The following PSG2 variants were observed in gnomAD, a reference collection of about 807,000 sequenced individuals.
PSG2 encodes the protein pregnancy specific beta-1-glycoprotein 2.
In PSG2, 49 loss-of-function variants were observed where a neutral mutation model predicts 36.2. The observed-to-expected ratio is 1.35, with a 90% confidence interval of 1.08 to 1.72. The LOEUF (loss-of-function observed/expected upper bound fraction) is 1.72. PSG2 is among the 40% of genes most tolerant of loss of function. The pLI is 0.00. For synonymous variants in PSG2, 261 were observed against 155.6 expected (o/e 1.68, Z -5.04); for missense variants, 605 against 407.2 (o/e 1.49, Z -4.18).
At chr19:43,068,969 A>C (rs1211262138) in intron 4 of PSG2, among the ~76,000 whole-genome samples, 1 of 151,744 alleles carries the variant, frequency 6.6e-6, no homozygotes, top group Non-Finnish European at 1.5e-5. Flanking sequence ...GAAAATCCTA[A>C]AGGTGGAACA....
Position 43,075,015 on chromosome 19 carries a change from G to A in PSG2, c.709+339C>T, listed in dbSNP as rs966489558. 5.9e-5 allele frequency among the ~76,000 whole-genome samples: 9 copies of A among 151,822 alleles called. 2 individuals are homozygous for A. Among genetic ancestry groups the A allele is most frequent in the Non-Finnish European group, 5.9e-5 (4 of 67,952 alleles). ...CAGAGGGAAGGGAAAATCCTGGTCT[G>A]TGGAAGGGCCACAGTGACCCTGTGA... On this transcript the variant is annotated intron_variant, in intron 3 of 5. Coordinates refer to ENST00000406487, the MANE Select transcript of PSG2 (RefSeq NM_031246.4).
At chr19:43,078,743 G>A (rs1240955741) in intron 2 of PSG2, among the ~76,000 whole-genome samples, 2 of 151,614 alleles carry the variant, frequency 1.3e-5, no homozygotes, top group Non-Finnish European at 2.9e-5. Context: ...GGCAGACTTG[G>A]AGTCATTAAA....
At chr19:43,072,255 G>T in intron 3 of PSG2, 3 of 1,548,968 alleles carry the variant, frequency 1.9e-6, no homozygotes, top group East Asian at 2.2e-5. Flanking sequence ...CAGAAGTAAA[G>T]TTGTCTATAC....
chr19:43,080,105 C>T (rs1168808328), intron 2 of PSG2, among the ~76,000 whole-genome samples: 6 of 151,768 alleles, frequency 4.0e-5, no homozygotes, highest in Non-Finnish European at 8.8e-5. Context: ...TATTAATTTG[C>T]TTCCATGAGA....
chr19:43,069,888 A>T lies in PSG2; in HGVS notation c.964+1812T>A, dbSNP rs140521018. ...TACATATCGAAGAACATTATCAAGA[A>T]AGTAAAAAGGCAACCCATGAAATGA... is the stretch of plus-strand genomic sequence containing the variant. On this transcript the variant is annotated intron_variant, in intron 4 of 5. Coordinates refer to ENST00000406487, the MANE Select transcript of PSG2 (RefSeq NM_031246.4). Among the ~76,000 whole-genome samples, 275 of 151,908 alleles carry T rather than the reference A, an allele frequency of 1.8e-3. 4 individuals are homozygous for T. Among genetic ancestry groups the T allele is most frequent in the African/African-American group, 6.3e-3 (259 of 41,258 alleles).
At chr19:43,074,292 G>A (rs1967860884) in intron 3 of PSG2, among the ~76,000 whole-genome samples, 1 of 151,556 alleles carries the variant, frequency 6.6e-6, no homozygotes, top group Non-Finnish European at 1.5e-5. Context: ...GGGTAGTATT[G>A]TCTTTCTAAC....
intron 4 of PSG2, among the ~76,000 whole-genome samples, chr19:43,068,554 G>A (rs962211810): frequency 6.6e-6 from 1 of 150,982 alleles, no homozygotes; most frequent in Non-Finnish European, 1.5e-5. Flanking sequence ...ATAAATAATT[G>A]TATGCCAATA....
intron 4 of PSG2, among the ~76,000 whole-genome samples, chr19:43,071,379 G>A (rs1967813716): frequency 1.3e-5 from 2 of 151,644 alleles, no homozygotes; most frequent in African/African-American, 2.4e-5. Flanking sequence ...GGATGTGTTA[G>A]TGACATCCAG....
At chr19:43,070,690 C>G (rs568770265) in intron 4 of PSG2, among the ~76,000 whole-genome samples, 1 of 151,276 alleles carries the variant, frequency 6.6e-6, no homozygotes, top group Non-Finnish European at 1.5e-5. Flanking sequence ...GCTAAGGGTT[C>G]GAGGGAGAAG....
intron 5 of PSG2, 111 bp downstream of exon 5, chr19:43,066,406 G>A: frequency 1.2e-6 from 1 of 806,582 alleles, no homozygotes; most frequent in Admixed American, 1.8e-5. Context: ...CAGGAGTTTA[G>A]TGGAGGAAGG....
chr19:43,071,468 T>A lies in PSG2; in HGVS notation c.964+232A>T, dbSNP rs575737157. On this transcript the variant is annotated intron_variant, in intron 4 of 5. Transcript: ENST00000406487. ...ACCACATAGGGCTCAGGGCTGATAA[T>A]GACCCCTCCCTACCTTTCTCAGGCG... 4.6e-5 allele frequency among the ~76,000 whole-genome samples: 7 copies of A among 151,742 alleles called. No individual in the cohort carries two copies. In the East Asian group the frequency reaches 5.8e-4, roughly 13 times the overall value.
At chr19:43,078,201 A>G (rs1348199455) in intron 2 of PSG2, among the ~76,000 whole-genome samples, 2 of 151,848 alleles carry the variant, frequency 1.3e-5, no homozygotes. Context: ...GGAGGAATTT[A>G]GTTTATGGTT....
At chr19:43,070,553 A>G (rs2122899253) in intron 4 of PSG2, among the ~76,000 whole-genome samples, 1 of 151,854 alleles carries the variant, frequency 6.6e-6, no homozygotes, top group Admixed American at 6.6e-5. Context: ...TGCAAAATGG[A>G]TGAACCTTGA....
chr19:43,065,124 C>T (rs965398406), intron 5 of PSG2, among the ~76,000 whole-genome samples: 3 of 151,772 alleles, frequency 2.0e-5, no homozygotes, highest in African/African-American at 4.9e-5. Context: ...CGTGAGCCAT[C>T]GCGCTCAGCC....
In PSG2 at chr19:43,071,987, C is replaced by T. The variant is rs200104548; in HGVS notation, c.710-33G>A. On this transcript the variant is annotated intron_variant, in intron 3 of 5. Coordinates refer to ENST00000406487, the MANE Select transcript of PSG2 (RefSeq NM_031246.4). ...AAAGAGAATAAAGCCACAGGTGATG[C>T]CATCTGAGGGAAGGGGATGCTCCTG... The T allele has an allele frequency of 2.5e-4, 398 of 1,604,564 alleles. 7 individuals carry two copies. Among genetic ancestry groups the T allele is most frequent in the Admixed American group, 2.7e-4 (16 of 59,548 alleles).
At position 43,072,323 on chromosome 19, in the gene PSG2, G is replaced by T. The variant is rs149514214; in HGVS notation, c.710-369C>A. The T allele has an allele frequency of 1.3e-3, 2,113 of 1,610,380 alleles. 75 individuals carry two copies. The African/African-American group carries it at 0.023, about 17-fold the overall frequency. On this transcript the variant is annotated intron_variant, in intron 3 of 5. Transcript: ENST00000406487. ...CTGGTCATTTGGATTTAAGCTGGTG[G>T]CCTGGCCCACAGAGGAACAAAAGAT...
At chr19:43,070,765 T>C (rs963702424) in intron 4 of PSG2, among the ~76,000 whole-genome samples, 5 of 151,578 alleles carry the variant, frequency 3.3e-5, no homozygotes, top group African/African-American at 1.2e-4. Flanking sequence ...GTTCTGGAAA[T>C]GGATAGTGTG....
chr19:43,081,088 G>A lies in PSG2; in HGVS notation c.223C>T (p.Leu75Phe), dbSNP rs747100061. ...ACATATGATGTAATGTAATGGTAGA[G>A]GTCCCTGATTTGCCCTTTGTACCAG... ...YIWYKGQIRD[L>F]YHYITSYVVD... is the part of the protein sequence containing the mutation. The change falls in exon 2 of 6, where the codon CTC (leucine) becomes TTC (phenylalanine). Residue 75 changes from leucine (L) to phenylalanine (F), a missense_variant. By Grantham distance (22) the Leu-to-Phe change is conservative. Transcript: ENST00000406487. The A allele has an allele frequency of 1.2e-5, 19 of 1,612,730 alleles. No homozygotes were observed. The highest frequency in any genetic ancestry group is 1.4e-5 in the Non-Finnish European group (16 of 1,179,676).
rs779138220 is a variant in PSG2, at chr19:43,066,556, G to A, written c.*1C>T. The A allele has an allele frequency of 5.6e-6, 9 of 1,596,358 alleles. No homozygotes were observed. In the South Asian group the frequency reaches 9.9e-5, roughly 18 times the overall value. ...GAAATACAGAAATGACATCACAGCTGCTATGTTGGATTAAGGAGAGGAAGA... is the reference window on the plus strand; with the variant it reads ...GAAATACAGAAATGACATCACAGCTACTATGTTGGATTAAGGAGAGGAAGA... On this transcript the variant is annotated 3_prime_UTR_variant, in exon 5 of 6. Transcript: ENST00000406487.
Sources: allele counts gnomAD v4.1 joint callset (sites outside exome capture counted in the v4.1 genomes callset), GRCh38; gene constraint gnomAD v4.1.1; transcripts MANE v1.5; gene names NCBI Gene and HGNC (gene_info 2026-07-23, HGNC 2026-07-21).